The following DRC9 variants were observed in gnomAD, a reference collection of about 807,000 sequenced individuals.
DRC9 encodes dynein regulatory complex subunit 9.
the DRC9 span, chr3:197,950,371 A>C: frequency 8.3e-7 from 1 of 1,210,792 alleles, no homozygotes; most frequent in Non-Finnish European, 1.0e-6. Flanking sequence ...GATGGAGGAG[A>C]TGTTGGGCTG....
chr3:197,949,848 T>C, the DRC9 span: 4 of 388,588 alleles, frequency 1.0e-5, no homozygotes, highest in Admixed American at 1.3e-4. Context: ...CAGTCAATCA[T>C]TCTTTAGGCA....
chr3:197,940,593 A>AAAAG, the DRC9 span, among the ~76,000 whole-genome samples: 1 of 152,164 alleles, frequency 6.6e-6, no homozygotes, highest in East Asian at 1.9e-4. Flanking sequence ...CAACGTTGTT[A>AAAAG]AAAGGCTCAA....
chr3:197,948,387 C>T, the DRC9 span, among the ~76,000 whole-genome samples: 1 of 152,230 alleles, frequency 6.6e-6, no homozygotes, highest in African/African-American at 2.4e-5. Flanking sequence ...TACTTTCCCG[C>T]AGAGCTGTGT....
the DRC9 span, among the ~76,000 whole-genome samples, chr3:197,890,847 A>G: frequency 6.6e-6 from 1 of 152,006 alleles, no homozygotes; most frequent in Non-Finnish European, 1.5e-5. Flanking sequence ...CTAATATACA[A>G]CCCAAACTAC....
chr3:197,921,153 G>T, the DRC9 span, among the ~76,000 whole-genome samples: 350 of 89,870 alleles, frequency 3.9e-3, no homozygotes, highest in African/African-American at 0.03. Context: ...CTCCGGGGAT[G>T]TAACCTGATT....
At chr3:197,928,078 C>T in the DRC9 span, among the ~76,000 whole-genome samples, 1 of 152,088 alleles carries the variant, frequency 6.6e-6, no homozygotes, top group Non-Finnish European at 1.5e-5. Flanking sequence ...GCACGTTTTG[C>T]ACACGTGCCC....
chr3:197,892,026 A>G, the DRC9 span, among the ~76,000 whole-genome samples: 1 of 152,168 alleles, frequency 6.6e-6, no homozygotes, highest in African/African-American at 2.4e-5. Flanking sequence ...AATAGCTGGA[A>G]TTACAGCCAC....
chr3:197,939,708 A>G, the DRC9 span, among the ~76,000 whole-genome samples: 2 of 152,230 alleles, frequency 1.3e-5, no homozygotes, highest in East Asian at 3.9e-4. Context: ...GCCTAAGGCA[A>G]TAAGGGGAAA....
the DRC9 span, among the ~76,000 whole-genome samples, chr3:197,890,915 G>A: frequency 0.016 from 2,500 of 152,240 alleles, 58 homozygotes; most frequent in African/African-American, 0.055. Context: ...GACAGGTGCC[G>A]TCCAGCTTTC....
chr3:197,923,885 A>T, the DRC9 span, among the ~76,000 whole-genome samples: 1 of 150,794 alleles, frequency 6.6e-6, no homozygotes, highest in African/African-American at 2.4e-5. Context: ...TGGACAACAA[A>T]GCAAGACCCC....
At chr3:197,959,964 A>C in the DRC9 span, 4 of 530,586 alleles carry the variant, frequency 7.5e-6, no homozygotes, top group Non-Finnish European at 1.3e-5. Flanking sequence ...AACTGCCTCA[A>C]GACACCCACA....
the DRC9 span, chr3:197,949,907 G>A: frequency 2.5e-6 from 1 of 400,462 alleles, no homozygotes; most frequent in Non-Finnish European, 4.4e-6. Flanking sequence ...ACGGCGTCCG[G>A]GGACGCAGGA....
the DRC9 span, among the ~76,000 whole-genome samples, chr3:197,910,721 T>G: frequency 6.6e-6 from 1 of 152,226 alleles, no homozygotes; most frequent in Non-Finnish European, 1.5e-5. Flanking sequence ...GGCTCACGCC[T>G]GTAATCCCAG....
the DRC9 span, among the ~76,000 whole-genome samples, chr3:197,935,301 G>A: frequency 4.6e-5 from 7 of 152,110 alleles, no homozygotes; most frequent in East Asian, 7.8e-4. Flanking sequence ...TTAACCAGGC[G>A]TGGTGACGCA....
chr3:197,941,191 CCT>C, the DRC9 span, among the ~76,000 whole-genome samples: 5 of 139,146 alleles, frequency 3.6e-5, no homozygotes, highest in South Asian at 2.5e-4. Flanking sequence ...TCCCCTCTCT[CCT>C]CTGTCTCTTT....
the DRC9 span, among the ~76,000 whole-genome samples, chr3:197,920,551 A>C: frequency 1.6e-4 from 24 of 152,022 alleles, no homozygotes; most frequent in African/African-American, 5.1e-4. Context: ...ACATGGCAAA[A>C]CTCCGTCTCT....
At chr3:197,950,227 T>TG in the DRC9 span, 1 of 1,231,068 alleles carries the variant, frequency 8.1e-7, no homozygotes. Context: ...TGGAGGTGAG[T>TG]GAAGGGTCTG....
At chr3:197,913,123 A>G in the DRC9 span, 7 of 190,586 alleles carry the variant, frequency 3.7e-5, no homozygotes, top group South Asian at 1.1e-4. Context: ...TCCCACACAC[A>G]GATTCCACGG....
the DRC9 span, among the ~76,000 whole-genome samples, chr3:197,903,510 C>T: frequency 1.3e-5 from 2 of 152,134 alleles, no homozygotes; most frequent in South Asian, 2.1e-4. Flanking sequence ...GCAGTGCACT[C>T]CTGTAGTCCC....
Sources: gnomAD v4.1 joint callset for allele counts (sites outside exome capture counted in the v4.1 genomes callset) on GRCh38, gnomAD v4.1.1 for gene constraint, MANE v1.5 for transcripts, NCBI Gene and HGNC (gene_info 2026-07-23, HGNC 2026-07-21) for gene names.